Variants in COPS7B observed in about 807,000 individuals in gnomAD.
The protein encoded by COPS7B is COP9 signalosome complex subunit 7b.
A neutral mutation model predicts 33.4 loss-of-function variants in COPS7B; 9 were observed. That is an observed-to-expected ratio of 0.27 (90% CI 0.16 to 0.47). COPS7B has a LOEUF of 0.47. COPS7B is among the 20% of genes least tolerant of loss of function. The pLI is 0.99. For synonymous variants in COPS7B, 119 were observed against 126.3 expected (o/e 0.94, Z 0.39); for missense variants, 242 against 318.2 (o/e 0.76, Z 1.82).
At chr2:231,803,292 G>C (rs147190207) in intron 6 of COPS7B, among the ~76,000 whole-genome samples, 1 of 152,118 alleles carries the variant, frequency 6.6e-6, no homozygotes, top group Non-Finnish European at 1.5e-5. Flanking sequence ...GGTAACCCCC[G>C]GGGTGCATGA....
upstream of COPS7B, chr2:231,781,894 AAAC>A (rs1559344396): frequency 2.6e-6 from 4 of 1,549,696 alleles, no homozygotes; most frequent in Non-Finnish European, 3.5e-6. Context: ...GTAAGGCTGC[AAAC>A]AACAAACAAA....
chr2:231,786,352 G>C (rs2049239941), upstream of COPS7B: 1 of 788,394 alleles, frequency 1.3e-6, no homozygotes, highest in Non-Finnish European at 1.5e-6. Flanking sequence ...AACGCGGCGG[G>C]TGGAACCTTG....
upstream of COPS7B, among the ~76,000 whole-genome samples, chr2:231,785,455 GT>G (rs2049218053): frequency 6.6e-6 from 1 of 151,958 alleles, no homozygotes; most frequent in African/African-American, 2.4e-5. Context: ...CTTTTTGTCT[GT>G]TTTTTTCTTC....
rs542479263 is a variant in COPS7B, at chr2:231,796,375, TC to T, written c.530+70del. ...GTGCCTCTCCTTGCAAAAATGTGAT[TC>T]CCTGGTGTCAGCTGAGGGTTTGGGG... On this transcript the variant is annotated intron_variant, in intron 5 of 6. Transcript: ENST00000350033. The T allele has an allele frequency of 8.9e-4, 1,312 of 1,467,240 alleles. 10 individuals are homozygous for T. The highest frequency in any genetic ancestry group is 7.9e-5 in the Non-Finnish European group (84 of 1,060,274). The allele number at this position is 1,467,240 out of a possible 1,614,324, so 90.9% of individuals were successfully genotyped here. A position where few individuals can be genotyped will look rare whatever the true frequency, so the allele number is the denominator to read the frequency against.
chr2:231,782,013 C>A, upstream of COPS7B: 1 of 816,728 alleles, frequency 1.2e-6, no homozygotes, highest in Non-Finnish European at 1.9e-6. Flanking sequence ...TTGCTGTATT[C>A]CTGGTTTGCA....
rs1424044178 is a variant in COPS7B at position 231,796,360 on chromosome 2, T to G, written c.530+52T>G. ...TCTAGCATGTCTTTTGTGCCTCTCCTTGCAAAAATGTGATTCCCTGGTGTC... is the reference window on the plus strand; with the variant it reads ...TCTAGCATGTCTTTTGTGCCTCTCCGTGCAAAAATGTGATTCCCTGGTGTC... On this transcript the variant is annotated intron_variant, in intron 5 of 6. Coordinates refer to ENST00000350033, the MANE Select transcript of COPS7B (RefSeq NM_022730.4). 2 of 1,557,516 alleles carry G rather than the reference T, an allele frequency of 1.3e-6. 1 individual carries two copies. The highest frequency in any genetic ancestry group is 4.4e-4 in the Middle Eastern group (2 of 4,554).
chr2:231,799,286 A>G (rs142443781), intron 6 of COPS7B, among the ~76,000 whole-genome samples: 1 of 152,252 alleles, frequency 6.6e-6, no homozygotes, highest in East Asian at 1.9e-4. Flanking sequence ...TTAAAAATGG[A>G]TAGAAGGATG....
At chr2:231,794,130 C>A in intron 3 of COPS7B, 133 bp from the exon 4 acceptor site, 1 of 589,410 alleles carries the variant, frequency 1.7e-6, no homozygotes, top group Non-Finnish European at 3.0e-6. Context: ...GAATATTTGT[C>A]AAATGAATAA....
At chr2:231,794,797 C>T (rs2106324848) in intron 4 of COPS7B, among the ~76,000 whole-genome samples, 1 of 152,252 alleles carries the variant, frequency 6.6e-6, no homozygotes, top group South Asian at 2.1e-4. Context: ...ACTCTGTCGC[C>T]CAGGCTGGAA....
chr2:231,792,495 A>G (rs1379428228), intron 3 of COPS7B, among the ~76,000 whole-genome samples: 1 of 152,216 alleles, frequency 6.6e-6, no homozygotes, highest in African/African-American at 2.4e-5. Flanking sequence ...CTGTCAAACA[A>G]ACAAATAAAT....
At position 231,808,239 on chromosome 2, in the gene COPS7B, A is replaced by T. The variant is rs2049952062; in HGVS notation, c.*594A>T. 2.9e-6 allele frequency: 1 copy of T among 347,558 alleles called. No individual in the cohort carries two copies. Among genetic ancestry groups the T allele is most frequent in the South Asian group, 2.2e-5 (1 of 45,684 alleles). The allele number at this position is 347,558 out of a possible 1,614,324, so 21.5% of individuals were successfully genotyped here. A position where few individuals can be genotyped will look rare whatever the true frequency, so the allele number is the denominator to read the frequency against. On this transcript the variant is annotated 3_prime_UTR_variant, in exon 7 of 7. Coordinates refer to ENST00000350033, the MANE Select transcript of COPS7B (RefSeq NM_022730.4). Reference sequence around the variant, plus strand: ...TAAACCCACGGGTTTTCAGCCTCTTAAGCCCAGCTCCGATCTCCAATTAGT... The same window carrying T: ...TAAACCCACGGGTTTTCAGCCTCTTTAGCCCAGCTCCGATCTCCAATTAGT...
chr2:231,798,036 T>C (rs1574668933), intron 5 of COPS7B, among the ~76,000 whole-genome samples: 1 of 148,572 alleles, frequency 6.7e-6, no homozygotes, highest in South Asian at 2.2e-4. Context: ...TACAGGCGTG[T>C]GCCACCAGGC....
In COPS7B at chr2:231,794,279, G is replaced by T. The variant is rs1180346584; in HGVS notation, c.255G>T (p.Leu85=). The T allele has an allele frequency of 1.9e-6, 3 of 1,614,046 alleles. No individual in the cohort carries two copies. The highest frequency in any genetic ancestry group is 2.5e-6 in the Non-Finnish European group (3 of 1,179,966). The change falls in exon 4 of 7, where the codon CTG becomes CTT. Residue 85 remains leucine (L), a synonymous_variant. Coordinates refer to ENST00000350033, the MANE Select transcript of COPS7B (RefSeq NM_022730.4). Reference sequence around the variant, plus strand: ...ACTGAGCAGCCAACAAGGAGAGCCTGCCAGAACTGAGCACAGCTCAGCAGA... The same window carrying T: ...ACTGAGCAGCCAACAAGGAGAGCCTTCCAGAACTGAGCACAGCTCAGCAGA... ...YPDYIANKES[L]PELSTAQQNK...
At chr2:231,801,298 G>C in intron 6 of COPS7B, 1 of 1,529,340 alleles carries the variant, frequency 6.5e-7, no homozygotes, top group Non-Finnish European at 8.8e-7. Context: ...GGCTTTTGTG[G>C]AAATAACCCA....
chr2:231,800,073 C>A (rs1482963155), intron 6 of COPS7B, among the ~76,000 whole-genome samples: 3 of 152,120 alleles, frequency 2.0e-5, no homozygotes, highest in African/African-American at 7.2e-5. Flanking sequence ...CACACACACA[C>A]CACCCTATAT....
upstream of COPS7B, among the ~76,000 whole-genome samples, chr2:231,782,216 A>G (rs2049147664): frequency 6.6e-6 from 1 of 152,232 alleles, no homozygotes; most frequent in Non-Finnish European, 1.5e-5. Context: ...TCTTTGCACC[A>G]CACTAAGGAG....
In COPS7B at chr2:231,790,379, T is replaced by C. The variant is rs79556969; in HGVS notation, c.163-1354T>C. 1,515 of 152,342 alleles carry C rather than the reference T, an allele frequency of 9.9e-3. 26 individuals carry two copies. Among genetic ancestry groups the C allele is most frequent in the South Asian group, 0.05 (242 of 4,818 alleles). The allele number at this position is 152,342 out of a possible 1,614,324, so 9.4% of individuals were successfully genotyped here. A position where few individuals can be genotyped will look rare whatever the true frequency, so the allele number is the denominator to read the frequency against. On this transcript the variant is annotated intron_variant, in intron 2 of 6. Transcript: ENST00000350033. ...TAATTATGTTTCTGAAAAGGGGGGCTAGATTGGATGGTCTTTACCAGGTTT... is the reference window on the plus strand; with the variant it reads ...TAATTATGTTTCTGAAAAGGGGGGCCAGATTGGATGGTCTTTACCAGGTTT...
rs1452968814 is a variant in COPS7B, at chr2:231,807,877, A to C, written c.*232A>C. ...CAGGGGCTCCACCAATGCCATCCCA[A>C]AACAGGGTCAGACACTGCCCAGCTT... On this transcript the variant is annotated 3_prime_UTR_variant, in exon 7 of 7. Transcript: ENST00000350033. The C allele has an allele frequency of 8.8e-6, 4 of 456,310 alleles. No individual in the cohort carries two copies. The highest frequency in any genetic ancestry group is 1.2e-5 in the Non-Finnish European group (3 of 255,984). 28.3% of individuals were successfully genotyped at this position (456,310 alleles called of 1,614,324 possible). A position where few individuals can be genotyped will look rare whatever the true frequency, so the allele number is the denominator to read the frequency against.
chr2:231,782,888 A>T (rs1350981197), upstream of COPS7B, among the ~76,000 whole-genome samples: 3 of 152,020 alleles, frequency 2.0e-5, no homozygotes, highest in Admixed American at 6.6e-5. Flanking sequence ...ATAGGTATAC[A>T]CCCCTGTCGC....
Sources: allele counts gnomAD v4.1 joint callset (sites outside exome capture counted in the v4.1 genomes callset), GRCh38; gene constraint gnomAD v4.1.1; transcripts MANE v1.5; gene names NCBI Gene and HGNC (gene_info 2026-07-23, HGNC 2026-07-21).